Variants in ZNF362 observed in about 807,000 individuals in gnomAD.
The protein encoded by ZNF362 is rotund homolog.
In ZNF362, 11 loss-of-function variants were observed where a neutral mutation model predicts 42.9. The observed-to-expected ratio is 0.26, with a 90% confidence interval of 0.16 to 0.42. The LOEUF is 0.42. Among genes scored for constraint, ZNF362 ranks in the 20% least tolerant of loss-of-function variants. The pLI is 1.00. For missense variants in ZNF362, 362 were observed against 576.2 expected, an observed-to-expected ratio of 0.63 and a Z score of 3.81; for synonymous variants, 255 against 257.3, an observed-to-expected ratio of 0.99 and a Z score of 0.09.
At chr1:33,150,912 G>A in the ZNF362 span, among the ~76,000 whole-genome samples, 5 of 152,198 alleles carry the variant, frequency 3.3e-5, no homozygotes, top group African/African-American at 1.2e-4. Context: ...AACAGCAGCA[G>A]TTCAGAGTGC....
the ZNF362 span, among the ~76,000 whole-genome samples, chr1:33,182,543 G>GCTAA: frequency 2.1e-3 from 315 of 152,074 alleles, 4 homozygotes; most frequent in Non-Finnish European, 6.9e-4. Context: ...GAAAGCCCTG[G>GCTAA]CTAACATCTG....
At chr1:33,181,307 C>T in the ZNF362 span, 2 of 1,560,498 alleles carry the variant, frequency 1.3e-6, no homozygotes, top group Non-Finnish European at 1.7e-6. The surrounding 1 kb of genome is among the most constrained non-coding windows in gnomAD (Gnocchi z 6.5). Flanking sequence ...CCTGCGCCTC[C>T]TGCCGCACCC....
chr1:33,160,092 TG>T, the ZNF362 span: 9 of 1,043,332 alleles, frequency 8.6e-6, no homozygotes, highest in Non-Finnish European at 1.1e-5. Flanking sequence ...TGCAAAAGCA[TG>T]GTGGTAGGAA....
chr1:33,218,431 C>CA, the ZNF362 span, among the ~76,000 whole-genome samples: 196 of 150,408 alleles, frequency 1.3e-3, 1 homozygote, highest in Non-Finnish European at 1.9e-3. Flanking sequence ...GACCCTGTCT[C>CA]AAAAAAAAAT....
chr1:33,224,520 A>G, the ZNF362 span, among the ~76,000 whole-genome samples: 6 of 152,244 alleles, frequency 3.9e-5, no homozygotes, highest in African/African-American at 1.4e-4. Context: ...GAAGGGATCT[A>G]TAATTGCAAG....
chr1:33,236,958 C>T, the ZNF362 span, among the ~76,000 whole-genome samples: 1 of 151,798 alleles, frequency 6.6e-6, no homozygotes, highest in African/African-American at 2.4e-5. Flanking sequence ...GTAATCCCAG[C>T]TACTCGGGAG....
chr1:33,243,108 ATTATGTTATGTTATGTTATG>A, the ZNF362 span, among the ~76,000 whole-genome samples: 18 of 144,550 alleles, frequency 1.2e-4, no homozygotes, highest in South Asian at 2.2e-4. Context: ...CACAACTGTT[ATTATGTTATGTTATGTTATG>A]TTATGTTATG....
chr1:33,276,299 G>T, intron 3 of ZNF362, 49 bp from the exon 4 acceptor site: 5 of 1,539,286 alleles, frequency 3.2e-6, no homozygotes, highest in African/African-American at 1.4e-5. Flanking sequence ...CCTGGGCAAG[G>T]GGCGGGAGGT....
At chr1:33,127,614 C>A in the ZNF362 span, among the ~76,000 whole-genome samples, 1 of 152,178 alleles carries the variant, frequency 6.6e-6, no homozygotes, top group Admixed American at 6.5e-5. Context: ...GGCTTATTTG[C>A]GCATCAGCTA....
the ZNF362 span, among the ~76,000 whole-genome samples, chr1:33,128,509 G>A: frequency 3.4e-4 from 52 of 152,336 alleles, 1 homozygote; most frequent in South Asian, 0.01. Context: ...AACTTGTCTA[G>A]AACAGATAGC....
the ZNF362 span, chr1:33,165,412 C>G: frequency 1.4e-6 from 2 of 1,465,108 alleles, no homozygotes; most frequent in Non-Finnish European, 1.8e-6. This position sits in a 1 kb window ranked among gnomAD's most constrained non-coding sequence, Gnocchi z 4.0. Context: ...CTGGCCCCGC[C>G]CCTCGAAGCC....
the ZNF362 span, among the ~76,000 whole-genome samples, chr1:33,174,723 C>T: frequency 2.6e-5 from 4 of 152,184 alleles, no homozygotes; most frequent in South Asian, 2.1e-4. Flanking sequence ...AAGTACTCAG[C>T]GTATCTTTTA....
chr1:33,186,084 C>A, the ZNF362 span, among the ~76,000 whole-genome samples: 1 of 152,094 alleles, frequency 6.6e-6, no homozygotes, highest in East Asian at 1.9e-4. Context: ...TTATTTGTAA[C>A]CTTCAAATCA....
chr1:33,201,759 A>G, the ZNF362 span, among the ~76,000 whole-genome samples: 1 of 152,336 alleles, frequency 6.6e-6, no homozygotes, highest in Admixed American at 6.5e-5. Flanking sequence ...AATAAATGAT[A>G]AAGATGAAAG....
At chr1:33,203,115 T>A in the ZNF362 span, among the ~76,000 whole-genome samples, 4 of 152,152 alleles carry the variant, frequency 2.6e-5, no homozygotes, top group Non-Finnish European at 5.9e-5. Context: ...CAACACTGTA[T>A]CCTTGGATCT....
chr1:33,207,822 G>A, the ZNF362 span, among the ~76,000 whole-genome samples: 3 of 152,052 alleles, frequency 2.0e-5, no homozygotes, highest in Non-Finnish European at 4.4e-5. Context: ...ATTTGTTTAA[G>A]TTCTTTGTAG....
chr1:33,161,037 C>T, the ZNF362 span, among the ~76,000 whole-genome samples: 7 of 152,238 alleles, frequency 4.6e-5, no homozygotes, highest in African/African-American at 1.7e-4. The surrounding 1 kb of genome is among the most constrained non-coding windows in gnomAD (Gnocchi z 4.3). Context: ...CTAGCTATGG[C>T]AACGTCAGTT....
At chr1:33,225,000 GCCCATCTAGATTTCCATAT>G in the ZNF362 span, among the ~76,000 whole-genome samples, 1 of 152,136 alleles carries the variant, frequency 6.6e-6, no homozygotes, top group African/African-American at 2.4e-5. Flanking sequence ...AACAACTACT[GCCCATCTAGATTTCCATAT>G]CCATTACAAC....
chr1:33,239,487 G>A, the ZNF362 span, among the ~76,000 whole-genome samples: 1 of 152,166 alleles, frequency 6.6e-6, no homozygotes, highest in African/African-American at 2.4e-5. Context: ...ACCCGAGACT[G>A]ACTAATTTAT....
Sources: allele counts gnomAD v4.1 joint callset (sites outside exome capture counted in the v4.1 genomes callset), GRCh38; gene constraint gnomAD v4.1.1; non-coding constraint Gnocchi (gnomAD v3.1); transcripts MANE v1.5; gene names NCBI Gene and HGNC (gene_info 2026-07-23, HGNC 2026-07-21).